The following CYP39A1 variants were observed in gnomAD, a reference collection of about 807,000 sequenced individuals.
CYP39A1 encodes the protein cytochrome P450 family 39 subfamily A member 1.
CYP39A1 carries 49 observed loss-of-function variants against 58.1 expected under a neutral mutation model. The ratio of observed to expected loss-of-function variants is 0.84; its 90% CI spans 0.67 to 1.07. The LOEUF (loss-of-function observed/expected upper bound fraction) is 1.07. CYP39A1 is among the 50% of genes least tolerant of loss of function. The pLI is 0.00. For missense variants in CYP39A1, 531 were observed against 539.4 expected (o/e 0.98, Z 0.16); for synonymous variants, 209 against 187.6 (o/e 1.11, Z -0.93).
Position 46,638,692 on chromosome 6 carries a change from T to G in CYP39A1, c.489-714A>C, listed in dbSNP as rs564734154. On this transcript the variant is annotated intron_variant, in intron 3 of 11. Transcript: ENST00000275016. ...GGTATGCTTCAGCACATTTTTAAAT[T>G]TGGTTGTTTTTGTGTCCCCCCTCCA... Among the ~76,000 whole-genome samples, 14 of 152,278 alleles carry G rather than the reference T, an allele frequency of 9.2e-5. No homozygotes were observed. The South Asian group carries it at 2.9e-3, about 32-fold the overall frequency.
At chr6:46,594,011 C>A (rs1772995662) in intron 8 of CYP39A1, among the ~76,000 whole-genome samples, 1 of 152,108 alleles carries the variant, frequency 6.6e-6, no homozygotes, top group Admixed American at 6.6e-5. Flanking sequence ...AAATAACTTT[C>A]TTCACATCCT....
intron 11 of CYP39A1, 27 bp from the exon 12 acceptor site, chr6:46,550,464 G>T (rs1309749649): frequency 6.3e-7 from 1 of 1,588,766 alleles, no homozygotes; most frequent in African/African-American, 1.3e-5. Context: ...AGAAGAAATA[G>T]AAATTAAGAG....
At position 46,646,770 on chromosome 6, in the gene CYP39A1, AT is replaced by A. The variant is rs141150936; in HGVS notation, c.178-4473del. On this transcript the variant is annotated intron_variant, in intron 1 of 11. Transcript: ENST00000275016. ...GGGCTATTAAAATTATGTATTGTAT[AT>A]TGGATAGTTTTGTTAGAATACGTTT... Among the ~76,000 whole-genome samples the A allele has an allele frequency of 2.3e-3, 353 of 152,220 alleles. 1 individual carries two copies. Among genetic ancestry groups the A allele is most frequent in the African/African-American group, 8.2e-3 (339 of 41,552 alleles).
At chr6:46,553,670 T>C in intron 11 of CYP39A1, 97 bp downstream of exon 11, 1 of 783,426 alleles carries the variant, frequency 1.3e-6, no homozygotes, top group East Asian at 2.6e-5. Flanking sequence ...AGTGAGGAAA[T>C]GTCAGCTCAT....
rs537773463 is a variant in CYP39A1, at chr6:46,589,210, T to C, written c.1066-1081A>G. On this transcript the variant is annotated intron_variant, in intron 8 of 11. Coordinates refer to ENST00000275016, the MANE Select transcript of CYP39A1 (RefSeq NM_016593.5). The stretch of plus-strand genomic sequence containing the variant: ...GCTCATGCCTGTAATCCTAGCACTT[T>C]GGGAGGCCTTGGTCGGAGGATCCTT... Among the ~76,000 whole-genome samples, 13 of 152,200 alleles carry C rather than the reference T, an allele frequency of 8.5e-5. No homozygotes were observed. In the South Asian group the frequency reaches 1.7e-3, roughly 19 times the overall value.
chr6:46,578,401 G>C (rs1332155525), intron 10 of CYP39A1, among the ~76,000 whole-genome samples: 2 of 151,868 alleles, frequency 1.3e-5, no homozygotes, highest in Non-Finnish European at 2.9e-5. Flanking sequence ...AAAGCTAACA[G>C]AAGAAAATAA....
intron 10 of CYP39A1, among the ~76,000 whole-genome samples, chr6:46,564,599 T>C (rs1771174593): frequency 6.6e-6 from 1 of 152,138 alleles, no homozygotes; most frequent in Non-Finnish European, 1.5e-5. Context: ...AGAGCAGTGA[T>C]AGAAGGAGAG....
intron 5 of CYP39A1, among the ~76,000 whole-genome samples, chr6:46,633,531 T>A (rs1775780132): frequency 6.6e-6 from 1 of 152,202 alleles, no homozygotes; most frequent in African/African-American, 2.4e-5. Flanking sequence ...TTAAATTTCT[T>A]CTTAGCTCAC....
At chr6:46,616,140 CTT>C (rs1276467074) in intron 7 of CYP39A1, among the ~76,000 whole-genome samples, 5 of 642 alleles carry the variant, frequency 7.8e-3, no homozygotes, top group Admixed American at 0.022. Context: ...TTCTTTCTTT[CTT>C]TCTTTCTTTC....
rs567314746 is a variant in CYP39A1 at position 46,650,484 on chromosome 6, CTTTTTTTTT to C, written c.177+1913_177+1921del. ...AAACATCAAATAATGCAGTCATATT[CTTTTTTTTT>C]TTTTTTTTTTTTTTTTTTTTTTTTT... is the stretch of plus-strand genomic sequence containing the variant. On this transcript the variant is annotated intron_variant, in intron 1 of 11. Transcript: ENST00000275016. Among the ~76,000 whole-genome samples the C allele has an allele frequency of 7.4e-3, 262 of 35,174 alleles. 1 individual carries two copies. Among genetic ancestry groups the C allele is most frequent in the Admixed American group, 0.011 (19 of 1,758 alleles). 23.1% of individuals were successfully genotyped at this position (35,174 alleles called of 152,430 possible).
chr6:46,594,394 A>T (rs909964163), intron 8 of CYP39A1, among the ~76,000 whole-genome samples: 4 of 152,056 alleles, frequency 2.6e-5, no homozygotes, highest in African/African-American at 9.7e-5. Context: ...TCATCACACT[A>T]TTTGACTTCA....
chr6:46,583,634 T>C, intron 10 of CYP39A1: 1 of 974,946 alleles, frequency 1.0e-6, no homozygotes. Context: ...GTAGTAGAAT[T>C]ACTAGAAAGA....
At chr6:46,574,216 C>T (rs1030039658) in intron 10 of CYP39A1, among the ~76,000 whole-genome samples, 2 of 152,146 alleles carry the variant, frequency 1.3e-5, no homozygotes, top group Non-Finnish European at 2.9e-5. Context: ...TCAAATGTGT[C>T]TTTATGAAGA....
chr6:46,623,568 A>C (rs960339936), intron 7 of CYP39A1, among the ~76,000 whole-genome samples: 8 of 151,724 alleles, frequency 5.3e-5, no homozygotes, highest in Non-Finnish European at 1.2e-4. Context: ...ACATCATGGG[A>C]CTCCTCAGCC....
chr6:46,649,102 A>G (rs952182335), intron 1 of CYP39A1, among the ~76,000 whole-genome samples: 2 of 152,228 alleles, frequency 1.3e-5, no homozygotes, highest in Admixed American at 6.5e-5. Context: ...ATTGGGTTCT[A>G]GCCATCTCAA....
chr6:46,564,930 G>T (rs1010196426), intron 10 of CYP39A1, among the ~76,000 whole-genome samples: 1 of 152,182 alleles, frequency 6.6e-6, no homozygotes, highest in African/African-American at 2.4e-5. Context: ...AAGTTAAAGC[G>T]GAAGTATGGC....
intron 7 of CYP39A1, among the ~76,000 whole-genome samples, chr6:46,616,429 T>G (rs1347006685): frequency 4.6e-5 from 7 of 151,502 alleles, no homozygotes; most frequent in Non-Finnish European, 1.5e-5. Context: ...CAGCTAACAA[T>G]TTTTTTAAGA....
At chr6:46,607,070 T>C (rs553452338) in intron 7 of CYP39A1, among the ~76,000 whole-genome samples, 61 of 152,158 alleles carry the variant, frequency 4.0e-4, no homozygotes, top group Non-Finnish European at 6.9e-4. Context: ...CAGAGCAGCC[T>C]TCAAACCTAT....
chr6:46,570,231 CAGTCT>C (rs1168053527), intron 10 of CYP39A1, among the ~76,000 whole-genome samples: 3 of 152,114 alleles, frequency 2.0e-5, no homozygotes, highest in African/African-American at 7.2e-5. Flanking sequence ...CTCTTTTCAT[CAGTCT>C]ACCAGAAGAT....
Sources: allele counts gnomAD v4.1 joint callset (sites outside exome capture counted in the v4.1 genomes callset), GRCh38; gene constraint gnomAD v4.1.1; transcripts MANE v1.5; gene names NCBI Gene and HGNC (gene_info 2026-07-23, HGNC 2026-07-21).